Variants in FABP12 observed in about 807,000 individuals in gnomAD.
FABP12 encodes the protein fatty acid-binding protein 12.
A neutral mutation model predicts 13.7 loss-of-function variants in FABP12; 19 were observed. The observed-to-expected ratio is 1.39, with a 90% CI of 0.97 to 2.04. The LOEUF (loss-of-function observed/expected upper bound fraction) is 2.04, where lower values mean the gene tolerates loss of function less well. Among genes scored for constraint, FABP12 ranks in the 30% most tolerant of loss-of-function variants. The pLI is 0.00. For synonymous variants in FABP12, 61 were observed against 57.0 expected (o/e 1.07, Z -0.32); for missense variants, 182 against 164.2 (o/e 1.11, Z -0.59).
chr8:81,578,406 C>T (rs897874076), intron 1 of FABP12, among the ~76,000 whole-genome samples: 24 of 151,592 alleles, frequency 1.6e-4, no homozygotes, highest in Non-Finnish European at 2.9e-4. Flanking sequence ...AATAATAACA[C>T]GAAAAATACA....
At chr8:81,534,322 C>T (rs1809169211), upstream of FABP12, among the ~76,000 whole-genome samples, 1 of 152,166 alleles carries the variant, frequency 6.6e-6, no homozygotes, top group African/African-American at 2.4e-5. Flanking sequence ...TGGGCTGCAG[C>T]ACATGCCTAA....
chr8:81,540,992 C>T (rs1809326933), intron 1 of FABP12, among the ~76,000 whole-genome samples: 3 of 151,928 alleles, frequency 2.0e-5, no homozygotes, highest in Admixed American at 6.6e-5. Context: ...ATAGTGAAAC[C>T]TCATCTCTAC....
At chr8:81,526,271 T>TG (rs905071753) in intron 4 of FABP12, 1 of 152,200 alleles carries the variant, frequency 6.6e-6, no homozygotes, top group Non-Finnish European at 1.5e-5. Flanking sequence ...CATTTTGGTA[T>TG]AGGTGGGGGT....
At chr8:81,583,595 G>T (rs1253318741) in intron 1 of FABP12, among the ~76,000 whole-genome samples, 2 of 152,068 alleles carry the variant, frequency 1.3e-5, no homozygotes, top group Non-Finnish European at 2.9e-5. Flanking sequence ...AAGACTGGGG[G>T]AAATGAATAA....
intron 1 of FABP12, among the ~76,000 whole-genome samples, chr8:81,556,880 T>A (rs1809626489): frequency 2.5e-5 from 2 of 79,422 alleles, no homozygotes; most frequent in African/African-American, 8.4e-5. Flanking sequence ...AGTGTACATC[T>A]TTTTTTTTTT....
At chr8:81,562,413 G>A (rs558514140) in intron 1 of FABP12, among the ~76,000 whole-genome samples, 10 of 152,258 alleles carry the variant, frequency 6.6e-5, no homozygotes, top group Admixed American at 2.0e-4. Context: ...AAGGGACTTC[G>A]TCTTGTAGCT....
At chr8:81,587,557 A>G (rs1291648672) in intron 1 of FABP12, among the ~76,000 whole-genome samples, 1 of 152,098 alleles carries the variant, frequency 6.6e-6, no homozygotes, top group Non-Finnish European at 1.5e-5. Flanking sequence ...GCTATTTTGA[A>G]GCCACAAAAG....
intron 1 of FABP12, among the ~76,000 whole-genome samples, chr8:81,540,577 A>G (rs1042151719): frequency 2.0e-5 from 3 of 152,228 alleles, no homozygotes; most frequent in African/African-American, 7.2e-5. Flanking sequence ...GTCATGAATC[A>G]CAAGGAAAAC....
At chr8:81,570,876 C>T (rs1809917579) in intron 1 of FABP12, among the ~76,000 whole-genome samples, 1 of 152,128 alleles carries the variant, frequency 6.6e-6, no homozygotes, top group Non-Finnish European at 1.5e-5. Context: ...CTCTGGTCCG[C>T]AGGACTGGAA....
intron 1 of FABP12, among the ~76,000 whole-genome samples, chr8:81,576,894 C>T (rs1810056678): frequency 6.6e-6 from 1 of 152,102 alleles, no homozygotes; most frequent in South Asian, 2.1e-4. Context: ...TAGACTCACA[C>T]TAAAATTAAA....
At chr8:81,551,431 T>C (rs535732781) in intron 1 of FABP12, among the ~76,000 whole-genome samples, 2 of 152,166 alleles carry the variant, frequency 1.3e-5, no homozygotes, top group Admixed American at 6.6e-5. Flanking sequence ...TTCTCAGAAG[T>C]TAAGAAGCAT....
At chr8:81,525,162 T>G (rs73275471) in intron 4 of FABP12, 42 bp from the exon 5 acceptor site, 59,129 of 1,294,272 alleles carry the variant, frequency 0.046, 2,595 homozygotes, top group African/African-American at 0.21. Context: ...GTATAGTTAG[T>G]GAAATTAACA....
At chr8:81,554,332 T>C (rs781763518) in intron 1 of FABP12, among the ~76,000 whole-genome samples, 1 of 152,146 alleles carries the variant, frequency 6.6e-6, no homozygotes, top group Admixed American at 6.5e-5. Context: ...CTTGCATAAA[T>C]AAACCTATTT....
At chr8:81,568,773 T>C (rs1457980095) in intron 1 of FABP12, among the ~76,000 whole-genome samples, 1 of 152,200 alleles carries the variant, frequency 6.6e-6, no homozygotes, top group African/African-American at 2.4e-5. Context: ...GTAGTACATA[T>C]ACACAATGGA....
At chr8:81,578,957 T>C (rs1446281414) in intron 1 of FABP12, among the ~76,000 whole-genome samples, 1 of 149,670 alleles carries the variant, frequency 6.7e-6, no homozygotes, top group Non-Finnish European at 1.5e-5. Context: ...GCCTCCGGAG[T>C]AGCTGGGACT....
intron 1 of FABP12, among the ~76,000 whole-genome samples, chr8:81,533,594 C>A (rs1481726455): frequency 6.6e-6 from 1 of 152,138 alleles, no homozygotes. Flanking sequence ...GTCCCCCCCA[C>A]ATCCCAAGTG....
chr8:81,558,688 G>A (rs1169195085), intron 1 of FABP12, among the ~76,000 whole-genome samples: 1 of 151,956 alleles, frequency 6.6e-6, no homozygotes, highest in Non-Finnish European at 1.5e-5. Context: ...TCAGGAGTTC[G>A]AGACCAGCCT....
At chr8:81,558,966 C>G (rs1809670023) in intron 1 of FABP12, among the ~76,000 whole-genome samples, 1 of 150,206 alleles carries the variant, frequency 6.7e-6, no homozygotes, top group Admixed American at 6.6e-5. Context: ...CTACTAGTGA[C>G]AGGGGACTCT....
At chr8:81,578,823 G>GTTTCTT (rs71268012) in intron 1 of FABP12, among the ~76,000 whole-genome samples, 74,145 of 104,968 alleles carry the variant, frequency 0.71, 29,431 homozygotes, top group Admixed American at 0.81. Context: ...ATTTGTTCAA[G>GTTTCTT]TTTTTTTTTT....
Sources: allele counts gnomAD v4.1 joint callset (sites outside exome capture counted in the v4.1 genomes callset), GRCh38; gene constraint gnomAD v4.1.1; transcripts MANE v1.5; gene names NCBI Gene and HGNC (gene_info 2026-07-23, HGNC 2026-07-21).